The following CNTN5 variants were observed in gnomAD, a reference collection of about 807,000 sequenced individuals.
CNTN5 encodes the protein contactin-5.
CNTN5 carries 77 observed loss-of-function variants against 129.1 expected under a neutral mutation model. The observed-to-expected ratio is 0.60, with a 90% confidence interval of 0.50 to 0.72. The LOEUF is 0.72. Ranked by LOEUF, CNTN5 falls within the 30% of genes least tolerant of loss-of-function variation. The pLI, the probability that CNTN5 is intolerant of heterozygous loss-of-function variation, is 0.00. For missense variants in CNTN5, 1,478 were observed against 1,328.8 expected (o/e 1.11, Z -1.75); for synonymous variants, 509 against 465.6 (o/e 1.09, Z -1.20).
At chr11:99,509,150 A>G (rs1398562965) in intron 2 of CNTN5, among the ~76,000 whole-genome samples, 1 of 152,208 alleles carries the variant, frequency 6.6e-6, no homozygotes, top group Non-Finnish European at 1.5e-5. Context: ...TACTATACCT[A>G]TGAAAGGGAA....
chr11:100,326,567 T>A (rs1197030673), intron 21 of CNTN5, among the ~76,000 whole-genome samples: 1 of 152,138 alleles, frequency 6.6e-6, no homozygotes, highest in Non-Finnish European at 1.5e-5. Context: ...CAGCAACATC[T>A]CCTAAAAGCT....
At chr11:99,412,733 CACA>C (rs1942456594) in intron 2 of CNTN5, among the ~76,000 whole-genome samples, 2 of 152,246 alleles carry the variant, frequency 1.3e-5, no homozygotes, top group South Asian at 2.1e-4. Flanking sequence ...AGCTTTTCAC[CACA>C]ACGTTATAGT....
chr11:100,276,068 G>A (rs759150276), intron 18 of CNTN5, among the ~76,000 whole-genome samples: 17 of 152,096 alleles, frequency 1.1e-4, no homozygotes, highest in Non-Finnish European at 2.1e-4. Flanking sequence ...CTCACATTAG[G>A]GATGTTGAAT....
intron 3 of CNTN5, among the ~76,000 whole-genome samples, chr11:99,790,197 A>G (rs1381524732): frequency 6.6e-6 from 1 of 152,016 alleles, no homozygotes; most frequent in Non-Finnish European, 1.5e-5. Context: ...TTTTTATTTT[A>G]GGTTCAGGGG....
intron 2 of CNTN5, among the ~76,000 whole-genome samples, chr11:99,337,525 G>C (rs916409508): frequency 2.6e-5 from 4 of 152,286 alleles, no homozygotes; most frequent in Admixed American, 6.5e-5. Context: ...TTGCTCATAC[G>C]TTTGTTTGCG....
At chr11:100,166,188 G>T (rs1947629061) in intron 13 of CNTN5, among the ~76,000 whole-genome samples, 1 of 151,642 alleles carries the variant, frequency 6.6e-6, no homozygotes, top group African/African-American at 2.4e-5. Context: ...TTTTTGGAGT[G>T]AAAAATACAT....
chr11:99,551,511 T>G (rs1948481034), intron 2 of CNTN5, among the ~76,000 whole-genome samples: 1 of 152,190 alleles, frequency 6.6e-6, no homozygotes, highest in Admixed American at 6.5e-5. Context: ...CTTAACACAA[T>G]GCTTGTAATT....
intron 1 of CNTN5, among the ~76,000 whole-genome samples, chr11:99,258,700 T>A (rs1862491362): frequency 6.6e-6 from 1 of 151,920 alleles, no homozygotes; most frequent in Non-Finnish European, 1.5e-5. Flanking sequence ...ATACGTTGTA[T>A]CTAGGTTTTT....
rs1473085914 is a variant in CNTN5 at position 99,292,735 on chromosome 11, T to A, written c.-209-32611T>A. On this transcript the variant is annotated intron_variant, in intron 1 of 24. Transcript: ENST00000524871. The stretch of plus-strand genomic sequence containing the variant: ...CCATAAAAAGCACTTTATGAAACAA[T>A]CTAGGCTTACCAGCCTTGACATTCC... Among the ~76,000 whole-genome samples, 4 of 152,146 alleles carry A rather than the reference T, an allele frequency of 2.6e-5. No individual in the cohort carries two copies. In the East Asian group the frequency reaches 5.8e-4, roughly 22 times the overall value.
intron 6 of CNTN5, among the ~76,000 whole-genome samples, chr11:99,908,374 G>C (rs1264851956): frequency 1.3e-5 from 2 of 151,994 alleles, no homozygotes; most frequent in African/African-American, 4.8e-5. Context: ...GTTTTACTAT[G>C]ACATCCTTTT....
intron 3 of CNTN5, 22 bp downstream of exon 3, chr11:99,556,291 T>G (rs1948662188): frequency 6.8e-7 from 1 of 1,465,582 alleles, no homozygotes; most frequent in Admixed American, 2.1e-5. Context: ...GATTAATTAA[T>G]TATTTGATTT....
intron 2 of CNTN5, among the ~76,000 whole-genome samples, chr11:99,540,797 T>C (rs1165461881): frequency 6.6e-6 from 1 of 152,160 alleles, no homozygotes; most frequent in African/African-American, 2.4e-5. Flanking sequence ...ATATGATAGA[T>C]GTACAGGTGC....
In CNTN5 at chr11:99,081,021, G is replaced by A. The variant is rs376911639; in HGVS notation, c.-210+59751G>A. 2.0e-4 allele frequency among the ~76,000 whole-genome samples: 25 copies of A among 123,352 alleles called. No individual in the cohort carries two copies. In the East Asian group the frequency reaches 3.0e-3, roughly 15 times the overall value. 80.9% of individuals were successfully genotyped at this position (123,352 alleles called of 152,430 possible). A position where few individuals can be genotyped will look rare whatever the true frequency, so the allele number is the denominator to read the frequency against. On this transcript the variant is annotated intron_variant, in intron 1 of 24. Transcript: ENST00000524871. ...TTTTCAGAAGAACATATACCCTGTT[G>A]TCAGGAAGCTATGGAGTATATGGTA...
intron 3 of CNTN5, among the ~76,000 whole-genome samples, chr11:99,774,598 A>G (rs1358948204): frequency 6.6e-6 from 1 of 152,000 alleles, no homozygotes; most frequent in Non-Finnish European, 1.5e-5. Flanking sequence ...ACTGTCTTCC[A>G]AGGGCCTGAG....
intron 1 of CNTN5, among the ~76,000 whole-genome samples, chr11:99,263,469 G>T (rs1169039141): frequency 7.9e-5 from 12 of 151,872 alleles, no homozygotes; most frequent in Non-Finnish European, 5.9e-5. Flanking sequence ...ATGAAAAATT[G>T]GTTTTATTTA....
chr11:99,268,699 T>G (rs1863023055), intron 1 of CNTN5, among the ~76,000 whole-genome samples: 2 of 152,022 alleles, frequency 1.3e-5, no homozygotes, highest in South Asian at 4.1e-4. Flanking sequence ...TGAACAAATA[T>G]GTGCTCAAAT....
At chr11:100,264,479 G>A (rs1950260383) in intron 17 of CNTN5, among the ~76,000 whole-genome samples, 1 of 152,094 alleles carries the variant, frequency 6.6e-6, no homozygotes, top group Admixed American at 6.6e-5. Context: ...AGAACATGTG[G>A]CATTTGGTTT....
intron 18 of CNTN5, among the ~76,000 whole-genome samples, chr11:100,273,572 C>T (rs1950447221): frequency 6.6e-6 from 1 of 152,082 alleles, no homozygotes; most frequent in Admixed American, 6.5e-5. Flanking sequence ...AGAGAAGGCA[C>T]CCAGACCTGC....
At chr11:99,226,793 A>G (rs905602077) in intron 1 of CNTN5, among the ~76,000 whole-genome samples, 1 of 152,174 alleles carries the variant, frequency 6.6e-6, no homozygotes, top group African/African-American at 2.4e-5. Flanking sequence ...AAGGGTGCTC[A>G]ATAGATTTTT....
Sources: gnomAD v4.1 joint callset for allele counts (sites outside exome capture counted in the v4.1 genomes callset) on GRCh38, gnomAD v4.1.1 for gene constraint, MANE v1.5 for transcripts, NCBI Gene and HGNC (gene_info 2026-07-23, HGNC 2026-07-21) for gene names.